SEPTIN9: variants seen among roughly 807,000 people sequenced by gnomAD.
The protein encoded by SEPTIN9 is septin-9.
Under a neutral mutation model 56.6 loss-of-function variants are expected in SEPTIN9, and 13 were observed. That is an observed-to-expected ratio of 0.23 (90% CI 0.15 to 0.37). The LOEUF (loss-of-function observed/expected upper bound fraction) is 0.37, where lower values mean the gene tolerates loss of function less well. Ranked by LOEUF, SEPTIN9 falls within the 10% of genes least tolerant of loss-of-function variation. The pLI is 1.00. For missense variants in SEPTIN9, 650 were observed against 823.1 expected (o/e 0.79, Z 2.57); for synonymous variants, 332 against 334.1 (o/e 0.99, Z 0.07).
rs773389157 is a variant in SEPTIN9 at position 77,459,078 on chromosome 17, GCAC to G, written c.722-23060_722-23058del. ...GGGGCCACGGTCGGCCCCACACGTG[GCAC>G]CACCAGCCCTGCTGAGCCTGCACCT... On this transcript the variant is annotated intron_variant, in intron 3 of 11. Transcript: ENST00000427177. Among the ~76,000 whole-genome samples the G allele has an allele frequency of 4.1e-4, 62 of 152,298 alleles. No homozygotes were observed. The South Asian group carries it at 5.2e-3, about 13-fold the overall frequency.
chr17:77,377,940 G>A (rs908011773), intron 2 of SEPTIN9, among the ~76,000 whole-genome samples: 4 of 152,164 alleles, frequency 2.6e-5, no homozygotes, highest in East Asian at 1.9e-4. Context: ...CCTCTTACAC[G>A]GGTCCCACAG....
Position 77,499,589 on chromosome 17 carries a change from C to G in SEPTIN9, c.*931C>G. On this transcript the variant is annotated 3_prime_UTR_variant, in exon 12 of 12. Coordinates refer to ENST00000427177, the MANE Select transcript of SEPTIN9 (RefSeq NM_001113491.2). The stretch of plus-strand genomic sequence containing the variant: ...GGGCACGTGTGGGCCGTGGCTTGGG[C>G]TGGTCAGAGTGGCGTGAGCTGCCCG... The G allele has an allele frequency of 2.3e-6, 1 of 444,076 alleles. No homozygotes were observed. Among genetic ancestry groups the G allele is most frequent in the Non-Finnish European group, 4.3e-6 (1 of 232,768 alleles). The allele number at this position is 444,076 out of a possible 1,614,324, so 27.5% of individuals were successfully genotyped here. A position where few individuals can be genotyped will look rare whatever the true frequency, so the allele number is the denominator to read the frequency against.
At chr17:77,485,403 A>G (rs66987919) in intron 4 of SEPTIN9, among the ~76,000 whole-genome samples, 89,644 of 150,686 alleles carry the variant, frequency 0.59, 27,408 homozygotes, top group African/African-American at 0.76. Flanking sequence ...GCTGGTGCTG[A>G]TGATTGTGAT....
At chr17:77,348,303 T>TTTG (rs1555650056) in intron 2 of SEPTIN9, among the ~76,000 whole-genome samples, 1 of 144,568 alleles carries the variant, frequency 6.9e-6, no homozygotes, top group Non-Finnish European at 1.5e-5. Flanking sequence ...TGTTTTTTTT[T>TTTG]TTTTTTTTTT....
chr17:77,352,704 C>T (rs1309364556), intron 2 of SEPTIN9, among the ~76,000 whole-genome samples: 1 of 152,086 alleles, frequency 6.6e-6, no homozygotes, highest in Non-Finnish European at 1.5e-5. Flanking sequence ...TCATTCTGTC[C>T]TCCAGGCTGG....
At chr17:77,284,558 G>A (rs1418846433) in intron 1 of SEPTIN9, among the ~76,000 whole-genome samples, 1 of 152,210 alleles carries the variant, frequency 6.6e-6, no homozygotes, top group Admixed American at 6.5e-5. Context: ...TCTCCCTGTG[G>A]CACAAGGTTC....
intron 2 of SEPTIN9, among the ~76,000 whole-genome samples, chr17:77,368,517 G>A (rs2034634893): frequency 6.6e-6 from 1 of 152,082 alleles, no homozygotes; most frequent in South Asian, 2.1e-4. Context: ...TCACCATGTT[G>A]GCCAGGCTGG....
At chr17:77,363,589 T>C (rs1274337465) in intron 2 of SEPTIN9, among the ~76,000 whole-genome samples, 1 of 152,030 alleles carries the variant, frequency 6.6e-6, no homozygotes. Context: ...TGTTTCACCA[T>C]GTTGGCCAGG....
intron 3 of SEPTIN9, among the ~76,000 whole-genome samples, chr17:77,428,719 G>A (rs1366050157): frequency 2.6e-5 from 4 of 152,034 alleles, no homozygotes; most frequent in Non-Finnish European, 5.9e-5. Flanking sequence ...GCAGCTTCAG[G>A]CACAGGCTGG....
chr17:77,320,353 G>A (rs760987218), intron 2 of SEPTIN9: 7 of 1,612,018 alleles, frequency 4.3e-6, no homozygotes, highest in Admixed American at 3.3e-5. Flanking sequence ...TCTCAGGTAC[G>A]CAGACAGCCC....
intron 3 of SEPTIN9, among the ~76,000 whole-genome samples, chr17:77,481,080 G>A (rs2143199218): frequency 6.6e-6 from 1 of 152,334 alleles, no homozygotes; most frequent in South Asian, 2.1e-4. Flanking sequence ...AGCCCTGATG[G>A]GAACCAGCCC....
chr17:77,320,380 C>A (rs1360777887), intron 2 of SEPTIN9: 4 of 1,584,750 alleles, frequency 2.5e-6, no homozygotes, highest in Non-Finnish European at 2.6e-6. Flanking sequence ...CATCGGCCGC[C>A]CCCCACTGCC....
Position 77,327,960 on chromosome 17 carries a change from C to T in SEPTIN9, c.76+20763C>T, listed in dbSNP as rs1451884858. Among the ~76,000 whole-genome samples the T allele has an allele frequency of 6.6e-6, 1 of 152,092 alleles. No homozygotes were observed. Among genetic ancestry groups the T allele is most frequent in the Non-Finnish European group, 1.5e-5 (1 of 67,978 alleles). ...CCCGATGCTCAGAGTTTCCCCGTGC[C>T]CAGTGTGTCCCTGTATCCAGGGCAT... On this transcript the variant is annotated intron_variant, in intron 2 of 11. Transcript: ENST00000427177. This position sits in a 1 kb window ranked among gnomAD's most constrained non-coding sequence, Gnocchi z 5.0.
Position 77,302,810 on chromosome 17 carries a change from T to C in SEPTIN9, c.20-4331T>C, listed in dbSNP as rs145109665. On this transcript the variant is annotated intron_variant, in intron 1 of 11. Transcript: ENST00000427177. The stretch of plus-strand genomic sequence containing the variant: ...TGGGGCAAAAGAGCAGGGAGGGCAC[T>C]GGGCAGTTGACCTGGTCTCCACTAC... 2.6e-3 allele frequency among the ~76,000 whole-genome samples: 395 copies of C among 152,208 alleles called. 4 individuals are homozygous for C. Among genetic ancestry groups the C allele is most frequent in the African/African-American group, 8.7e-3 (362 of 41,534 alleles).
chr17:77,415,103 A>G (rs188429646), intron 3 of SEPTIN9, among the ~76,000 whole-genome samples: 213 of 152,022 alleles, frequency 1.4e-3, no homozygotes, highest in African/African-American at 4.9e-3. Context: ...ATTCTTTTCA[A>G]ATTAAAAAAA....
Position 77,453,715 on chromosome 17 carries a change from A to C in SEPTIN9, c.722-28429A>C, listed in dbSNP as rs1568081072. ...CCGGAAGCCCTAGACCCACTTGGGC[A>C]ACCAGAGTCTCTGGGTTGACCACTC... is the stretch of plus-strand genomic sequence containing the variant. On this transcript the variant is annotated intron_variant, in intron 3 of 11. Transcript: ENST00000427177. This position sits in a 1 kb window ranked among gnomAD's most constrained non-coding sequence, Gnocchi z 4.4. 6.6e-6 allele frequency: 1 copy of C among 152,152 alleles called. No homozygotes were observed. Among genetic ancestry groups the C allele is most frequent in the Non-Finnish European group, 1.5e-5 (1 of 68,112 alleles). The allele number at this position is 152,152 out of a possible 1,614,324, so 9.4% of individuals were successfully genotyped here. A position where few individuals can be genotyped will look rare whatever the true frequency, so the allele number is the denominator to read the frequency against.
At chr17:77,332,967 C>T (rs188315752) in intron 2 of SEPTIN9, among the ~76,000 whole-genome samples, 9 of 152,260 alleles carry the variant, frequency 5.9e-5, no homozygotes, top group Admixed American at 5.9e-4. Flanking sequence ...TATGGGCGTT[C>T]ATTTATTCTG....
intron 2 of SEPTIN9, among the ~76,000 whole-genome samples, chr17:77,364,330 A>AT (rs993455524): frequency 2.0e-5 from 3 of 152,090 alleles, no homozygotes; most frequent in South Asian, 2.1e-4. Flanking sequence ...ATTTTTATTT[A>AT]TTTTTTTACT....
chr17:77,457,566 T>A (rs1019932206), intron 3 of SEPTIN9, among the ~76,000 whole-genome samples: 1 of 152,206 alleles, frequency 6.6e-6, no homozygotes, highest in South Asian at 2.1e-4. Context: ...CCAGTCCAAG[T>A]TGTGGCCTCA....
Sources: allele counts gnomAD v4.1 joint callset (sites outside exome capture counted in the v4.1 genomes callset), GRCh38; gene constraint gnomAD v4.1.1; non-coding constraint Gnocchi (gnomAD v3.1); transcripts MANE v1.5; gene names NCBI Gene and HGNC (gene_info 2026-07-23, HGNC 2026-07-21).